EGFR: variants seen among roughly 807,000 people sequenced by gnomAD.
EGFR encodes the protein avian erythroblastic leukemia viral (v-erb-b) oncogene homolog.
EGFR carries 58 observed loss-of-function variants against 143.0 expected under a neutral mutation model. The ratio of observed to expected loss-of-function variants is 0.41; its 90% CI spans 0.33 to 0.50. EGFR has a LOEUF of 0.50. Among genes scored for constraint, EGFR ranks in the 20% least tolerant of loss-of-function variants. The pLI, the probability that EGFR is intolerant of heterozygous loss-of-function variation, is 0.39. For missense variants in EGFR, 1,307 were observed against 1,579.0 expected (o/e 0.83, Z 2.92); for synonymous variants, 613 against 594.4 (o/e 1.03, Z -0.45).
intron 15 of EGFR, chr7:55,170,189 T>G (rs1584215901): frequency 6.4e-7 from 1 of 1,568,942 alleles, no homozygotes; most frequent in African/African-American, 1.3e-5. Context: ...AGAAGAGCAG[T>G]GTAGAGAACA....
At chr7:55,200,634 T>C (rs1787806807) in intron 24 of EGFR, 2 of 617,710 alleles carry the variant, frequency 3.2e-6, no homozygotes, top group Non-Finnish European at 5.9e-6. Context: ...CCTCCCCGTC[T>C]GAACTCTCCT....
rs57439473 is a variant in EGFR, at chr7:55,110,465, C to T, written c.89-31821C>T. Among the ~76,000 whole-genome samples the T allele has an allele frequency of 6.9e-3, 1,056 of 152,312 alleles. 65 individuals are homozygous for T. The East Asian group carries it at 0.16, about 23-fold the overall frequency. On this transcript the variant is annotated intron_variant, in intron 1 of 27. Transcript: ENST00000275493. ...CTCCCACCCCACACACTGGGAAAGG[C>T]GGACAGAGGCTGGGCAAAGCCCCCA...
At chr7:55,152,756 G>C in intron 6 of EGFR, 92 bp downstream of exon 6, 2 of 1,045,140 alleles carry the variant, frequency 1.9e-6, no homozygotes, top group Middle Eastern at 2.4e-4. Context: ...TGGGGGAGCT[G>C]TCAATTAGCA....
intron 1 of EGFR, among the ~76,000 whole-genome samples, chr7:55,106,172 G>T (rs1378954810): frequency 6.6e-6 from 1 of 152,228 alleles, no homozygotes. Flanking sequence ...CCCAGCAGCA[G>T]CTCAGTGCAG....
At chr7:55,156,737 A>C (rs1785437112) in intron 9 of EGFR, 22 bp from the exon 10 acceptor site, 3 of 1,614,164 alleles carry the variant, frequency 1.9e-6, no homozygotes, top group Non-Finnish European at 2.5e-6. Flanking sequence ...GTGATCAATA[A>C]TCACCCTGTT....
At chr7:55,179,135 G>T (rs1786739087) in intron 19 of EGFR, among the ~76,000 whole-genome samples, 1 of 152,244 alleles carries the variant, frequency 6.6e-6, no homozygotes, top group African/African-American at 2.4e-5. Context: ...TGTGCTAGGG[G>T]CTGACCAAGC....
At chr7:55,204,699 A>G (rs1439935169) in intron 27 of EGFR, among the ~76,000 whole-genome samples, 3 of 137,910 alleles carry the variant, frequency 2.2e-5, no homozygotes, top group Non-Finnish European at 4.7e-5. Flanking sequence ...ACAGACACAC[A>G]TAGACACACC....
intron 1 of EGFR, among the ~76,000 whole-genome samples, chr7:55,101,158 T>C (rs1309342754): frequency 6.6e-6 from 1 of 152,212 alleles, no homozygotes; most frequent in African/African-American, 2.4e-5. Context: ...GCAGAAGGTA[T>C]CCAGGAAGAC....
intron 1 of EGFR, among the ~76,000 whole-genome samples, chr7:55,109,176 T>G (rs1361091708): frequency 6.6e-6 from 1 of 152,290 alleles, no homozygotes; most frequent in African/African-American, 2.4e-5. Flanking sequence ...GGAAATAGAT[T>G]AATGTGCACA....
chr7:55,113,294 A>G (rs1792626554), intron 1 of EGFR, among the ~76,000 whole-genome samples: 1 of 152,198 alleles, frequency 6.6e-6, no homozygotes, highest in African/African-American at 2.4e-5. Flanking sequence ...GTGTGAGACT[A>G]TGTGAGTGCC....
At chr7:55,073,811 A>T (rs1454985967) in intron 1 of EGFR, among the ~76,000 whole-genome samples, 1 of 152,202 alleles carries the variant, frequency 6.6e-6, no homozygotes, top group African/African-American at 2.4e-5. Context: ...CCAGCGTGCT[A>T]TTTGTTCTGT....
chr7:55,091,245 A>G (rs1791090612), intron 1 of EGFR, among the ~76,000 whole-genome samples: 1 of 152,252 alleles, frequency 6.6e-6, no homozygotes, highest in South Asian at 2.1e-4. Context: ...AGGATCAGTC[A>G]TGTCAGGAAA....
rs1341549517 is a variant in EGFR, at chr7:55,035,685, G to A, written c.88+16320G>A. On this transcript the variant is annotated intron_variant, in intron 1 of 27. Coordinates refer to ENST00000275493, the MANE Select transcript of EGFR (RefSeq NM_005228.5). ...GGGTGACAGAGCAAGACTCTGTCTCGGAAAAAAAAAAAAAAAAGGATAAAG... is the reference window on the plus strand; with the variant it reads ...GGGTGACAGAGCAAGACTCTGTCTCAGAAAAAAAAAAAAAAAAGGATAAAG... Among the ~76,000 whole-genome samples, 18 of 129,474 alleles carry A rather than the reference G, an allele frequency of 1.4e-4. 1 individual carries two copies. The East Asian group carries it at 1.6e-3, about 12-fold the overall frequency. 84.9% of individuals were successfully genotyped at this position (129,474 alleles called of 152,430 possible). A position where few individuals can be genotyped will look rare whatever the true frequency, so the allele number is the denominator to read the frequency against.
chr7:55,172,950 C>T (rs1337892404), intron 16 of EGFR, 33 bp from the exon 17 acceptor site: 12 of 1,614,150 alleles, frequency 7.4e-6, no homozygotes, highest in South Asian at 1.1e-5. Context: ...TGTCAGCAAC[C>T]TCACCCTTCC....
At chr7:55,027,364 G>C (rs1362696537) in intron 1 of EGFR, among the ~76,000 whole-genome samples, 1 of 152,178 alleles carries the variant, frequency 6.6e-6, no homozygotes, top group Non-Finnish European at 1.5e-5. Context: ...AATACTTGTA[G>C]GCCCTGTGCT....
chr7:55,100,481 A>C (rs566036441), intron 1 of EGFR, among the ~76,000 whole-genome samples: 1 of 152,322 alleles, frequency 6.6e-6, no homozygotes, highest in Admixed American at 6.5e-5. Context: ...GAGGCCCTCG[A>C]GGGAGAAATG....
chr7:55,177,901 G>A (rs533611261), intron 19 of EGFR, among the ~76,000 whole-genome samples: 6 of 152,366 alleles, frequency 3.9e-5, no homozygotes, highest in African/African-American at 7.2e-5. Context: ...AACAAAGCTC[G>A]CTTTAGCTTC....
At chr7:55,132,400 T>G (rs1485320423) in intron 1 of EGFR, among the ~76,000 whole-genome samples, 2 of 152,148 alleles carry the variant, frequency 1.3e-5, no homozygotes, top group Non-Finnish European at 2.9e-5. Context: ...CAGATAACTA[T>G]GAACAAACCA....
chr7:55,111,513 G>C (rs910652784), intron 1 of EGFR, among the ~76,000 whole-genome samples: 32 of 152,014 alleles, frequency 2.1e-4, no homozygotes, highest in Admixed American at 2.0e-3. Context: ...ATTGTATTAG[G>C]GGGTTTTAAA....
Sources: gnomAD v4.1 joint callset for allele counts (sites outside exome capture counted in the v4.1 genomes callset) on GRCh38, gnomAD v4.1.1 for gene constraint, MANE v1.5 for transcripts, NCBI Gene and HGNC (gene_info 2026-07-23, HGNC 2026-07-21) for gene names.